CHCHD5: variants seen among roughly 807,000 people sequenced by gnomAD.
The protein encoded by CHCHD5 is coiled-coil-helix-coiled-coil-helix domain-containing protein 5.
Under a neutral mutation model 16.0 loss-of-function variants are expected in CHCHD5, and 10 were observed. The observed-to-expected ratio is 0.63, with a 90% CI of 0.39 to 1.06. The LOEUF is 1.06. Among genes scored for constraint, CHCHD5 ranks in the 50% least tolerant of loss-of-function variants. CHCHD5 has a pLI of 0.01. For synonymous variants in CHCHD5, 55 were observed against 56.3 expected (o/e 0.98, Z 0.10); for missense variants, 163 against 153.4 (o/e 1.06, Z -0.33).
Position 112,584,747 on chromosome 2 carries a change from C to G in CHCHD5, c.2+98C>G, listed in dbSNP as rs543133146. 2.8e-6 allele frequency: 4 copies of G among 1,415,870 alleles called. No homozygotes were observed. In the East Asian group the frequency reaches 7.1e-5, roughly 25 times the overall value. 87.7% of individuals were successfully genotyped at this position (1,415,870 alleles called of 1,614,324 possible). On this transcript the variant is annotated intron_variant, in intron 1 of 3. Transcript: ENST00000324913. The stretch of plus-strand genomic sequence containing the variant: ...TAGGACCTCGGGAACTAGGACCAGC[C>G]TCCCTCCTTCTTGGAGATCTGACCC...
Position 112,586,605 on chromosome 2 carries a change from CCCTT to C in CHCHD5, c.309+244_309+247del, listed in dbSNP as rs1045904955. 2.0e-6 allele frequency: 3 copies of C among 1,484,870 alleles called. No homozygotes were observed. In the African/African-American group the frequency reaches 4.2e-5, roughly 21 times the overall value. The allele number at this position is 1,484,870 out of a possible 1,614,324, so 92.0% of individuals were successfully genotyped here. On this transcript the variant is annotated intron_variant, in intron 3 of 3. Coordinates refer to ENST00000324913, the MANE Select transcript of CHCHD5 (RefSeq NM_032309.4). ...CCTGCCCCAGCCTTCTCCCTGGTCT[CCCTT>C]CCTCCCTCTTTTCTTGCCTCCATAA...
intron 3 of CHCHD5, 148 bp downstream of exon 3, chr2:112,586,513 A>G: frequency 1.3e-6 from 2 of 1,551,826 alleles, no homozygotes; most frequent in Non-Finnish European, 1.7e-6. Context: ...CCAGAACATC[A>G]TCACTTCTTG....
intron 1 of CHCHD5, 67 bp downstream of exon 1, chr2:112,584,716 C>A: frequency 6.3e-7 from 1 of 1,580,070 alleles, no homozygotes; most frequent in Non-Finnish European, 8.7e-7. Context: ...TGATCTAGAC[C>A]TAGTCTAGGA....
Position 112,586,071 on chromosome 2 carries a change from T to C in CHCHD5, c.100T>C (p.Cys34Arg). Residue 34 changes from cysteine to arginine, a missense_variant, in exon 2 of 4, where the codon TGT (cysteine) becomes CGT (arginine). By Grantham distance (180) the Cys-to-Arg change is radical (BLOSUM62 -3). Coordinates refer to ENST00000324913, the MANE Select transcript of CHCHD5 (RefSeq NM_032309.4). ...CAAGCCGGAATCCTGGCAGCGGGAC[T>C]GTCACTACCTTAAGATGAGCATTGC... is the stretch of plus-strand genomic sequence containing the variant. ...AAKPESWQRD[C>R]HYLKMSIAQC... is the part of the protein sequence containing the mutation. 1 of 1,614,160 alleles carries C rather than the reference T, an allele frequency of 6.2e-7. No individual in the cohort carries two copies. Among genetic ancestry groups the C allele is most frequent in the East Asian group, 2.2e-5 (1 of 44,878 alleles).
upstream of CHCHD5, chr2:112,584,500 G>C: frequency 1.0e-6 from 1 of 965,506 alleles, no homozygotes; most frequent in Non-Finnish European, 1.6e-6. Flanking sequence ...GGGCGCCGCC[G>C]TGACAGATTA....
rs1197406007 is a variant in CHCHD5, at chr2:112,588,760, C to T, written c.310-106C>T. On this transcript the variant is annotated intron_variant, in intron 3 of 3. Transcript: ENST00000324913. ...AGGTCATTGCCCAACACCCTTCTCC[C>T]TCCAGACTGTGGGCTCTGCAGGGTC... 4.5e-6 allele frequency: 4 copies of T among 885,214 alleles called. No individual in the cohort carries two copies. In the Admixed American group the frequency reaches 5.4e-5, roughly 12 times the overall value. 54.8% of individuals were successfully genotyped at this position (885,214 alleles called of 1,614,324 possible).
At chr2:112,584,528 G>A (rs1358339719), upstream of CHCHD5, 8 of 1,258,502 alleles carry the variant, frequency 6.4e-6, no homozygotes, top group Non-Finnish European at 8.1e-6. Flanking sequence ...AGGGAACGGG[G>A]TTGTTAGTTC....
Position 112,585,993 on chromosome 2 carries a change from A to T in CHCHD5, c.22A>T (p.Thr8Ser). The T allele has an allele frequency of 6.2e-7, 1 of 1,614,190 alleles. No individual in the cohort carries two copies. The highest frequency in any genetic ancestry group is 8.5e-7 in the Non-Finnish European group (1 of 1,180,022). The change falls in exon 2 of 4, where the codon ACC becomes TCC. Residue 8 changes from threonine (T) to serine (S), a missense_variant. Thr to Ser is a moderately conservative substitution (Grantham distance 58). Transcript: ENST00000324913. MQAALEV[T>S]ARYCGRELEQ... is the part of the protein sequence containing the mutation. ...CCACAGGCAGGCGGCCCTAGAGGTCACCGCTCGCTACTGTGGCCGGGAGCT... is the reference window on the plus strand; with the variant it reads ...CCACAGGCAGGCGGCCCTAGAGGTCTCCGCTCGCTACTGTGGCCGGGAGCT...
At chr2:112,584,805 A>C (rs1574148985) in intron 1 of CHCHD5, 156 bp downstream of exon 1, 5 of 840,528 alleles carry the variant, frequency 5.9e-6, no homozygotes, top group East Asian at 2.7e-5. Context: ...ACGAGCTCCA[A>C]CCCTCCGCAT....
chr2:112,585,862 C>A, intron 1 of CHCHD5, 112 bp from the exon 2 acceptor site: 1 of 1,224,796 alleles, frequency 8.2e-7, no homozygotes, highest in Non-Finnish European at 1.1e-6. Flanking sequence ...CGTGCCACTG[C>A]ACTCCAGCCT....
intron 1 of CHCHD5, 144 bp downstream of exon 1, chr2:112,584,793 T>G (rs1199397219): frequency 1.0e-6 from 1 of 982,902 alleles, no homozygotes; most frequent in Non-Finnish European, 1.6e-6. Flanking sequence ...GCGCCTTCGC[T>G]CACGAGCTCC....
chr2:112,584,567 G>C, upstream of CHCHD5: 2 of 1,592,582 alleles, frequency 1.3e-6, no homozygotes, highest in Non-Finnish European at 1.7e-6. Context: ...ACCAGGCTGG[G>C]CTGGGCGCCG....
rs547389834 is a variant in CHCHD5 at position 112,585,916 on chromosome 2, AAG to A, written c.3-56_3-55del. The A allele has an allele frequency of 5.8e-4, 898 of 1,561,272 alleles. 7 individuals are homozygous for A. The East Asian group carries it at 0.012, about 20-fold the overall frequency. On this transcript the variant is annotated intron_variant, in intron 1 of 3. Coordinates refer to ENST00000324913, the MANE Select transcript of CHCHD5 (RefSeq NM_032309.4). ...GTCTCTAAAAAATAAAAAAAAAAAA[AAG>A]AATTCCCTTGCTTGCCTACTGCCTG...
Position 112,586,309 on chromosome 2 carries a change from C to T in CHCHD5, c.253C>T (p.Arg85Cys), listed in dbSNP as rs79064914. 5.1e-4 allele frequency: 824 copies of T among 1,614,266 alleles called. 2 individuals are homozygous for T. The East Asian group carries it at 6.0e-3, about 12-fold the overall frequency. ...GGGCAACTGTGCAGAGCATATGCGC[C>T]GCTTCCTGCAGTGCGCTGAGCAGGT... Reference protein sequence around the residue: ...AVGNCAEHMRRFLQCAEQVQP... With the variant: ...AVGNCAEHMRCFLQCAEQVQP... The change falls in exon 3 of 4, where the codon CGC becomes TGC. Residue 85 changes from arginine to cysteine, a missense_variant. Transcript: ENST00000324913.
intron 1 of CHCHD5, 122 bp from the exon 2 acceptor site, chr2:112,585,852 C>A (rs1032467295): frequency 2.7e-6 from 3 of 1,092,720 alleles, no homozygotes; most frequent in Admixed American, 2.7e-5. Context: ...GAGCTATGAT[C>A]GTGCCACTGC....
rs576813236 is a variant in CHCHD5 at position 112,588,587 on chromosome 2, A to G, written c.310-279A>G. On this transcript the variant is annotated intron_variant, in intron 3 of 3. Coordinates refer to ENST00000324913, the MANE Select transcript of CHCHD5 (RefSeq NM_032309.4). ...TTCATCGAATTTCTTGGATGTTGAC[A>G]TATTTATTGTCCGTCTCTCCCTGCT... is the stretch of plus-strand genomic sequence containing the variant. 3.0e-5 allele frequency: 14 copies of G among 460,200 alleles called. No individual in the cohort carries two copies. The East Asian group carries it at 3.1e-4, about 10-fold the overall frequency. 28.5% of individuals were successfully genotyped at this position (460,200 alleles called of 1,614,324 possible).
chr2:112,584,787 C>T (rs962598457), intron 1 of CHCHD5, 138 bp downstream of exon 1: 8 of 1,058,236 alleles, frequency 7.6e-6, no homozygotes, highest in Middle Eastern at 2.0e-4. Flanking sequence ...GATTCAGCGC[C>T]TTCGCTCACG....
At chr2:112,585,619 C>G (rs775807479) in intron 1 of CHCHD5, among the ~76,000 whole-genome samples, 2 of 152,200 alleles carry the variant, frequency 1.3e-5, no homozygotes, top group Non-Finnish European at 2.9e-5. Flanking sequence ...CCTTTCTTTG[C>G]GGAGCACCAT....
chr2:112,586,357 A>G lies in CHCHD5; in HGVS notation c.301A>G (p.Thr101Ala), dbSNP rs1685225542. Residue 101 changes from threonine to alanine, a missense_variant, in exon 3 of 4, where the codon ACT (threonine) becomes GCT (alanine). By Grantham distance (58) the Thr-to-Ala change is moderately conservative. Transcript: ENST00000324913. The part of the protein sequence containing the change: ...EQVQPPRSPA[T>A]VEAQPLPAS ...GGTGCAGCCGCCACGCTCACCTGCAACTGTGGAGGTAAGAGGGGCTCACCT... is the reference window on the plus strand; with the variant it reads ...GGTGCAGCCGCCACGCTCACCTGCAGCTGTGGAGGTAAGAGGGGCTCACCT... 3.1e-6 allele frequency: 5 copies of G among 1,614,102 alleles called. No homozygotes were observed. In the African/African-American group the frequency reaches 4.0e-5, roughly 13 times the overall value.
Sources: allele counts gnomAD v4.1 joint callset (sites outside exome capture counted in the v4.1 genomes callset), GRCh38; gene constraint gnomAD v4.1.1; transcripts MANE v1.5; gene names NCBI Gene and HGNC (gene_info 2026-07-23, HGNC 2026-07-21).